TTC6: variants seen among roughly 807,000 people sequenced by gnomAD.
The protein encoded by TTC6 is tetratricopeptide repeat domain 6.
TTC6 carries 172 observed loss-of-function variants against 210.4 expected under a neutral mutation model. The observed-to-expected ratio is 0.82, with a 90% CI of 0.72 to 0.93. TTC6 has a LOEUF of 0.93. TTC6 is among the 40% of genes least tolerant of loss of function. The pLI, the probability that TTC6 is intolerant of heterozygous loss-of-function variation, is 0.00. For synonymous variants in TTC6, 804 were observed against 819.6 expected, an observed-to-expected ratio of 0.98 and a Z score of 0.32; for missense variants, 2,414 against 2,318.1, an observed-to-expected ratio of 1.04 and a Z score of -0.85.
At chr14:37,661,847 C>T (rs919782623) in intron 1 of TTC6, among the ~76,000 whole-genome samples, 3 of 152,106 alleles carry the variant, frequency 2.0e-5, no homozygotes, top group African/African-American at 7.2e-5. Context: ...TTTCCTTAAG[C>T]AGTGGTTTGT....
At chr14:37,660,113 T>C (rs177884) in intron 1 of TTC6, among the ~76,000 whole-genome samples, 9,843 of 152,070 alleles carry the variant, frequency 0.065, 410 homozygotes, top group Non-Finnish European at 0.089. Context: ...TAATTAGATC[T>C]TATTTGTCAA....
intron 1 of TTC6, among the ~76,000 whole-genome samples, chr14:37,667,433 G>A (rs906081398): frequency 2.7e-5 from 4 of 150,248 alleles, no homozygotes; most frequent in Non-Finnish European, 6.0e-5. Flanking sequence ...CAAGGTTTTC[G>A]TATGGGGCTC....
intron 1 of TTC6, 31 bp downstream of exon 3, chr14:37,623,034 T>A: frequency 7.1e-7 from 1 of 1,418,118 alleles, no homozygotes; most frequent in Non-Finnish European, 9.2e-7. Flanking sequence ...GTAACATTTT[T>A]CCCAAATGCA....
At chr14:37,804,434 C>G (rs1057459104) in intron 20 of TTC6, among the ~76,000 whole-genome samples, 1 of 152,144 alleles carries the variant, frequency 6.6e-6, no homozygotes, top group Non-Finnish European at 1.5e-5. Flanking sequence ...TGTCCATAAG[C>G]CTGCTTAAGT....
chr14:37,609,435 C>A (rs7151179), intron 2 of TTC6, among the ~76,000 whole-genome samples: 29,765 of 151,944 alleles, frequency 0.2, 3,270 homozygotes, highest in South Asian at 0.27. Context: ...ATCAATCAAT[C>A]AATAAACTAG....
chr14:37,827,144 CA>C, intron 28 of TTC6, 51 bp from the exon 31 acceptor site: 1 of 1,432,568 alleles, frequency 7.0e-7, no homozygotes, highest in Non-Finnish European at 9.4e-7. Flanking sequence ...GACATGACAT[CA>C]GAGGTAAATA....
intron 1 of TTC6, among the ~76,000 whole-genome samples, chr14:37,669,464 T>C (rs1391819053): frequency 6.6e-6 from 1 of 152,120 alleles, no homozygotes; most frequent in African/African-American, 2.4e-5. Flanking sequence ...TACTTCTTTC[T>C]TAAGAACTAT....
intron 26 of TTC6, among the ~76,000 whole-genome samples, chr14:37,821,052 C>T (rs190036388): frequency 1.4e-5 from 2 of 140,108 alleles, no homozygotes; most frequent in South Asian, 2.3e-4. Flanking sequence ...TCTTCTTCTT[C>T]CTTCTTCTTT....
At chr14:37,751,214 G>A in exon 13 of TTC6, 1 of 1,519,908 alleles carries the variant, frequency 6.6e-7, no homozygotes, top group Non-Finnish European at 8.8e-7. Flanking sequence ...GGCCATTGAT[G>A]ACTTTTCGAA....
chr14:37,771,556 T>A (rs1031988014), intron 14 of TTC6, among the ~76,000 whole-genome samples: 3 of 152,214 alleles, frequency 2.0e-5, no homozygotes, highest in East Asian at 1.9e-4. Flanking sequence ...CATTCATTTC[T>A]TCTTCCATTG....
intron 1 of TTC6, among the ~76,000 whole-genome samples, chr14:37,636,290 A>T (rs1314078288): frequency 1.3e-5 from 2 of 152,200 alleles, no homozygotes; most frequent in East Asian, 3.9e-4. Context: ...ACATTTTTAG[A>T]ATACTTTACC....
At chr14:37,805,280 A>C (rs1326561875) in intron 21 of TTC6, among the ~76,000 whole-genome samples, 1 of 152,204 alleles carries the variant, frequency 6.6e-6, no homozygotes, top group Middle Eastern at 3.2e-3. Context: ...CAGTTGATTC[A>C]ATTATTACAT....
Position 37,622,159 on chromosome 14 carries a change from A to G in TTC6, c.95A>G (p.Asp32Gly), listed in dbSNP as rs1346875659. Residue 32 changes from aspartate (D) to glycine (G), a missense_variant, in exon 1 of 31, where the codon GAT (aspartate) becomes GGT (glycine). Coordinates refer to ENST00000553443, the Ensembl canonical transcript of TTC6. Reference sequence around the variant, plus strand: ...AAAGTTCGGCAGGAAACTAAAAAGGATTTTCTCCGATTCAAGCAGAAGTTG... The same window carrying G: ...AAAGTTCGGCAGGAAACTAAAAAGGGTTTTCTCCGATTCAAGCAGAAGTTG... The G allele has an allele frequency of 2.0e-6, 3 of 1,535,262 alleles. No individual in the cohort carries two copies. The East Asian group carries it at 7.4e-5, about 38-fold the overall frequency.
chr14:37,759,130 G>T (rs2095976388), intron 14 of TTC6, among the ~76,000 whole-genome samples: 2 of 151,888 alleles, frequency 1.3e-5, no homozygotes, highest in Admixed American at 6.6e-5. Flanking sequence ...AGGCGTGGTG[G>T]CATATGCCTA....
At chr14:37,607,873 C>G (rs1470394442) in intron 2 of TTC6, among the ~76,000 whole-genome samples, 2 of 152,162 alleles carry the variant, frequency 1.3e-5, no homozygotes, top group Non-Finnish European at 2.9e-5. Context: ...AGACATTTTG[C>G]TATATGATAT....
In TTC6 at chr14:37,776,196, G is replaced by A. The variant is rs1595243955; in HGVS notation, c.3267-11272G>A. ...CTCCCGAGTAGCTGGGACTACAGGC[G>A]CCCGCCACCGCGCCCGGCTAATTTT... On this transcript the variant is annotated intron_variant, in intron 14 of 30. Coordinates refer to ENST00000553443, the Ensembl canonical transcript of TTC6. 9.5e-5 allele frequency among the ~76,000 whole-genome samples: 2 copies of A among 20,974 alleles called. 1 individual carries two copies. The highest frequency in any genetic ancestry group is 2.4e-3 in the South Asian group (2 of 848). 13.8% of individuals were successfully genotyped at this position (20,974 alleles called of 152,430 possible). A position where few individuals can be genotyped will look rare whatever the true frequency, so the allele number is the denominator to read the frequency against.
At chr14:37,748,828 T>C in intron 10 of TTC6, 111 bp from the exon 13 acceptor site, 1 of 774,432 alleles carries the variant, frequency 1.3e-6, no homozygotes, top group Non-Finnish European at 1.9e-6. Flanking sequence ...AATTAGCATG[T>C]AATTTTGTTT....
intron 1 of TTC6, among the ~76,000 whole-genome samples, chr14:37,631,511 G>A (rs192098865): frequency 1.2e-4 from 18 of 152,282 alleles, no homozygotes; most frequent in African/African-American, 3.9e-4. Context: ...CCCTTTGTGG[G>A]TAACCCAACC....
intron 1 of TTC6, among the ~76,000 whole-genome samples, chr14:37,652,843 A>C (rs537448722): frequency 2.6e-5 from 4 of 152,208 alleles, no homozygotes; most frequent in Non-Finnish European, 5.9e-5. Flanking sequence ...GCTTCCCAAC[A>C]TAGCTAATTA....
Sources: allele counts gnomAD v4.1 joint callset (sites outside exome capture counted in the v4.1 genomes callset), GRCh38; gene constraint gnomAD v4.1.1; transcripts MANE v1.5; gene names NCBI Gene and HGNC (gene_info 2026-07-23, HGNC 2026-07-21).